Variants in PTPRM observed in about 807,000 individuals in gnomAD.
PTPRM encodes the protein receptor-type tyrosine-protein phosphatase mu.
A neutral mutation model predicts 186.7 loss-of-function variants in PTPRM; 47 were observed. The ratio of observed to expected loss-of-function variants is 0.25; its 90% CI spans 0.20 to 0.32. The LOEUF (loss-of-function observed/expected upper bound fraction) is 0.32, where lower values mean the gene tolerates loss of function less well. Among genes scored for constraint, PTPRM ranks in the 10% least tolerant of loss-of-function variants. The probability of loss-of-function intolerance (pLI) is 1.00; values close to 1 mark genes in which losing one functional copy is unlikely to be tolerated. For missense variants in PTPRM, 1,494 were observed against 1,865.0 expected (o/e 0.80, Z 3.66); for synonymous variants, 668 against 674.9 (o/e 0.99, Z 0.16).
chr18:8,370,008 C>T (rs1166670924), intron 23 of PTPRM, among the ~76,000 whole-genome samples: 1 of 151,910 alleles, frequency 6.6e-6, no homozygotes, highest in African/African-American at 2.4e-5. Context: ...CATGGAGAAA[C>T]AGGGCTAGAG....
chr18:7,688,628 A>C (rs571490302), intron 1 of PTPRM, among the ~76,000 whole-genome samples: 2 of 152,200 alleles, frequency 1.3e-5, no homozygotes, highest in Non-Finnish European at 2.9e-5. Context: ...AGAAGACTTT[A>C]TGCCCAAGAC....
chr18:8,247,980 C>T lies in PTPRM; in HGVS notation c.2527+61C>T. The T allele has an allele frequency of 4.2e-6, 6 of 1,436,722 alleles. No homozygotes were observed. In the South Asian group the frequency reaches 6.9e-5, roughly 16 times the overall value. 89.0% of individuals were successfully genotyped at this position (1,436,722 alleles called of 1,614,324 possible). ...TCCTCAGCAGTCAGAATCACTCCGCCCTCTCTCTGCTATCCCTGGTGCTTG... is the reference window on the plus strand; with the variant it reads ...TCCTCAGCAGTCAGAATCACTCCGCTCTCTCTCTGCTATCCCTGGTGCTTG... On this transcript the variant is annotated intron_variant, in intron 16 of 32. Transcript: ENST00000580170.
intron 5 of PTPRM, among the ~76,000 whole-genome samples, chr18:7,930,009 A>G (rs1599569618): frequency 6.6e-6 from 1 of 152,208 alleles, no homozygotes; most frequent in African/African-American, 2.4e-5. Flanking sequence ...GAGTGAGTCA[A>G]TATTTAGAAA....
chr18:8,367,974 C>A (rs1482916242), intron 23 of PTPRM, among the ~76,000 whole-genome samples: 1 of 151,900 alleles, frequency 6.6e-6, no homozygotes, highest in Non-Finnish European at 1.5e-5. Context: ...GTAAGATAAA[C>A]CTGGTATAAC....
At position 8,148,148 on chromosome 18, in the gene PTPRM, T is replaced by A. The variant is rs143870107; in HGVS notation, c.2300+4369T>A. On this transcript the variant is annotated intron_variant, in intron 14 of 32. Coordinates refer to ENST00000580170, the MANE Select transcript of PTPRM (RefSeq NM_001105244.2). ...TCTCTGCCAGGTTTTGGTATCAGGA[T>A]GATGTTGGCCTCATAAAATGAGTTA... Among the ~76,000 whole-genome samples, 660 of 152,322 alleles carry A rather than the reference T, an allele frequency of 4.3e-3. 1 individual carries two copies. Among genetic ancestry groups the A allele is most frequent in the African/African-American group, 0.015 (628 of 41,554 alleles).
chr18:8,057,026 T>A (rs1187807650), intron 7 of PTPRM, among the ~76,000 whole-genome samples: 2 of 151,666 alleles, frequency 1.3e-5, no homozygotes, highest in Admixed American at 6.6e-5. Context: ...AGACACCAGT[T>A]AAACTAACAT....
chr18:8,335,727 A>G (rs929442398), intron 22 of PTPRM, among the ~76,000 whole-genome samples: 1 of 152,222 alleles, frequency 6.6e-6, no homozygotes, highest in African/African-American at 2.4e-5. Context: ...GTTCCATTTA[A>G]AAGAGTAAAT....
intron 2 of PTPRM, among the ~76,000 whole-genome samples, chr18:7,829,762 G>A (rs2045666677): frequency 6.6e-6 from 1 of 152,124 alleles, no homozygotes; most frequent in Non-Finnish European, 1.5e-5. Flanking sequence ...AAATGAGATT[G>A]CTCTTTCTTA....
At chr18:8,298,426 G>T (rs1226950435) in intron 20 of PTPRM, among the ~76,000 whole-genome samples, 1 of 152,178 alleles carries the variant, frequency 6.6e-6, no homozygotes, top group Non-Finnish European at 1.5e-5. Context: ...CATACAGAAT[G>T]CAATGAATGT....
intron 2 of PTPRM, among the ~76,000 whole-genome samples, chr18:7,847,732 C>T (rs1304573749): frequency 6.6e-6 from 1 of 152,188 alleles, no homozygotes; most frequent in African/African-American, 2.4e-5. Context: ...TCTCTCTCAG[C>T]ATCTATATTA....
chr18:7,950,055 C>T (rs2052834748), intron 6 of PTPRM, among the ~76,000 whole-genome samples: 1 of 152,020 alleles, frequency 6.6e-6, no homozygotes, highest in Non-Finnish European at 1.5e-5. Context: ...TGTGGCAAGC[C>T]ATTGCTGTTT....
At chr18:8,135,306 A>G (rs924158370) in intron 13 of PTPRM, among the ~76,000 whole-genome samples, 8 of 152,230 alleles carry the variant, frequency 5.3e-5, no homozygotes, top group African/African-American at 1.9e-4. Context: ...ATATTATTAT[A>G]TTAGGAGATG....
At chr18:7,828,554 C>T (rs1013187086) in intron 2 of PTPRM, among the ~76,000 whole-genome samples, 16 of 152,166 alleles carry the variant, frequency 1.1e-4, no homozygotes, top group Non-Finnish European at 1.6e-4. Flanking sequence ...TGCCGTATGT[C>T]CTGCCACTGC....
At chr18:7,626,339 G>T (rs2038062378) in intron 1 of PTPRM, among the ~76,000 whole-genome samples, 1 of 152,166 alleles carries the variant, frequency 6.6e-6, no homozygotes, top group Non-Finnish European at 1.5e-5. Context: ...ATGATCTTTG[G>T]ACTTTAGCAG....
chr18:8,004,666 T>G (rs2084071453), intron 7 of PTPRM, among the ~76,000 whole-genome samples: 1 of 152,022 alleles, frequency 6.6e-6, no homozygotes, highest in East Asian at 1.9e-4. Context: ...ATTAGGCTGG[T>G]GCAAAAGTAA....
At chr18:7,705,338 G>A (rs889162408) in intron 1 of PTPRM, among the ~76,000 whole-genome samples, 6 of 145,158 alleles carry the variant, frequency 4.1e-5, no homozygotes, top group Non-Finnish European at 9.1e-5. Flanking sequence ...TGTCTATCTA[G>A]CTAGCTAGCT....
chr18:8,203,480 G>C (rs2093885609), intron 14 of PTPRM, among the ~76,000 whole-genome samples: 1 of 152,208 alleles, frequency 6.6e-6, no homozygotes, highest in African/African-American at 2.4e-5. Context: ...TGTGGTGCTT[G>C]ATCCTTGATT....
chr18:7,857,401 C>A (rs1342552508), intron 2 of PTPRM, among the ~76,000 whole-genome samples: 2 of 152,124 alleles, frequency 1.3e-5, no homozygotes, highest in Non-Finnish European at 2.9e-5. Flanking sequence ...TAACAGGTAA[C>A]CTTTCGATAC....
chr18:8,384,476 T>C, intron 29 of PTPRM, 85 bp from the exon 30 acceptor site: 1 of 1,468,650 alleles, frequency 6.8e-7, no homozygotes, highest in Non-Finnish European at 9.4e-7. Context: ...AAAGGATTAC[T>C]GAGTGTCAAT....
Sources: allele counts gnomAD v4.1 joint callset (sites outside exome capture counted in the v4.1 genomes callset), GRCh38; gene constraint gnomAD v4.1.1; transcripts MANE v1.5; gene names NCBI Gene and HGNC (gene_info 2026-07-23, HGNC 2026-07-21).